Variants in ZCCHC17 observed in about 807,000 individuals in gnomAD.
ZCCHC17 encodes zinc finger CCHC-type containing 17, also known as zinc finger CCHC domain-containing protein 17.
In ZCCHC17, 18 loss-of-function variants were observed where a neutral mutation model predicts 30.6. The ratio of observed to expected loss-of-function variants is 0.59; its 90% confidence interval spans 0.41 to 0.87. The LOEUF is 0.87. ZCCHC17 is among the 40% of genes least tolerant of loss of function. ZCCHC17 has a pLI of 0.00. For missense variants in ZCCHC17, 263 were observed against 284.2 expected (o/e 0.93, Z 0.54); for synonymous variants, 88 against 92.4 (o/e 0.95, Z 0.27).
intron 7 of ZCCHC17, among the ~76,000 whole-genome samples, chr1:31,353,073 G>A (rs936287636): frequency 8.5e-5 from 13 of 152,166 alleles, no homozygotes; most frequent in African/African-American, 3.1e-4. Flanking sequence ...CCTAATGCGT[G>A]TAAAGTGACA....
intron 7 of ZCCHC17, among the ~76,000 whole-genome samples, chr1:31,355,620 C>A (rs1639616380): frequency 1.3e-5 from 2 of 152,156 alleles, no homozygotes; most frequent in South Asian, 4.1e-4. Flanking sequence ...CACACTTCAA[C>A]CATTTATTTA....
At chr1:31,347,701 C>T (rs1027237102) in intron 6 of ZCCHC17, among the ~76,000 whole-genome samples, 11 of 152,226 alleles carry the variant, frequency 7.2e-5, no homozygotes, top group Non-Finnish European at 4.4e-5. Flanking sequence ...CATCTTTGAC[C>T]TCCTGGGCTC....
chr1:31,356,646 G>A (rs1639652272), intron 7 of ZCCHC17, among the ~76,000 whole-genome samples: 1 of 152,210 alleles, frequency 6.6e-6, no homozygotes, highest in Non-Finnish European at 1.5e-5. Context: ...GCTGCTGGCA[G>A]TGGGCGATAA....
At chr1:31,348,014 G>A (rs960447852) in intron 6 of ZCCHC17, among the ~76,000 whole-genome samples, 1 of 103,950 alleles carries the variant, frequency 9.6e-6, no homozygotes, top group Non-Finnish European at 2.4e-5. Flanking sequence ...TCTGTTAAAG[G>A]GCCCCTCAGT....
rs761734632 is a variant in ZCCHC17, at chr1:31,319,158, G to A, written c.116G>A (p.Arg39Gln). Residue 39 changes from arginine to glutamine, a missense_variant, in exon 3 of 8, where the codon CGG (arginine) becomes CAG (glutamine). Physicochemically the swap from Arg to Gln is conservative, Grantham distance 43. Coordinates refer to ENST00000344147, the MANE Select transcript of ZCCHC17 (RefSeq NM_016505.4). ...GCCTTTATCAAAATCCCAGGCTGTCGGAAGCAAGGTAGGAGTTTATAACTT... is the reference window on the plus strand; with the variant it reads ...GCCTTTATCAAAATCCCAGGCTGTCAGAAGCAAGGTAGGAGTTTATAACTT... The part of the protein sequence containing the change: ...YGAFIKIPGC[R>Q]KQGLVHRTHM... 8.7e-6 allele frequency: 14 copies of A among 1,610,256 alleles called. No individual in the cohort carries two copies. In the Admixed American group the frequency reaches 1.5e-4, roughly 17 times the overall value.
chr1:31,327,498 A>G (rs1197792607), intron 3 of ZCCHC17, among the ~76,000 whole-genome samples: 1 of 152,232 alleles, frequency 6.6e-6, no homozygotes, highest in Non-Finnish European at 1.5e-5. Context: ...TATTAAAGGG[A>G]AAATTCTAGA....
intron 2 of ZCCHC17, among the ~76,000 whole-genome samples, chr1:31,317,802 G>A (rs1646773034): frequency 1.3e-5 from 2 of 152,104 alleles, no homozygotes; most frequent in South Asian, 4.1e-4. Context: ...TGCAACATAA[G>A]GATCTACTGT....
intron 2 of ZCCHC17, among the ~76,000 whole-genome samples, chr1:31,313,361 C>T (rs933662023): frequency 2.0e-5 from 3 of 152,126 alleles, no homozygotes; most frequent in Non-Finnish European, 2.9e-5. Context: ...CGTGAGCCAT[C>T]GCACCTGGCC....
chr1:31,364,364 A>C lies in ZCCHC17; in HGVS notation c.*171A>C. ...GGCAGGTTTGGGAGTTAGAGGTCAA[A>C]AGCAGCTGCCTGAATGAGTTGTTGT... On this transcript the variant is annotated 3_prime_UTR_variant, in exon 8 of 8. Coordinates refer to ENST00000344147, the MANE Select transcript of ZCCHC17 (RefSeq NM_016505.4). 8.3e-7 allele frequency: 1 copy of C among 1,207,462 alleles called. No individual in the cohort carries two copies. Among genetic ancestry groups the C allele is most frequent in the Non-Finnish European group, 1.1e-6 (1 of 888,824 alleles). 74.8% of individuals were successfully genotyped at this position (1,207,462 alleles called of 1,614,324 possible).
chr1:31,334,329 CTCTCTCTCTGTGTGTGTGTGTG>C (rs1467595414), intron 3 of ZCCHC17, among the ~76,000 whole-genome samples: 4 of 61,250 alleles, frequency 6.5e-5, no homozygotes, highest in Non-Finnish European at 1.2e-4. Context: ...CTCTCTCTCT[CTCTCTCTCTGTGTGTGTGTGTG>C]TGTGTGTGTG....
chr1:31,327,380 G>A (rs766552126), intron 3 of ZCCHC17, among the ~76,000 whole-genome samples: 5 of 152,226 alleles, frequency 3.3e-5, no homozygotes, highest in Non-Finnish European at 7.3e-5. Context: ...TTGAGACTTT[G>A]CCAGAATGGC....
rs1163308326 is a variant in ZCCHC17, at chr1:31,298,506, C to A, written c.-56+1431C>A. Among the ~76,000 whole-genome samples the A allele has an allele frequency of 3.3e-5, 5 of 152,170 alleles. No individual in the cohort carries two copies. The East Asian group carries it at 9.7e-4, about 29-fold the overall frequency. On this transcript the variant is annotated intron_variant, in intron 1 of 7. Coordinates refer to ENST00000344147, the MANE Select transcript of ZCCHC17 (RefSeq NM_016505.4). ...GTTCAAGCAATTCTCCTGCCTTAGC[C>A]TCCCCAGTAGCTGGGATTACAGGCG...
chr1:31,300,116 G>T (rs1557685465), intron 1 of ZCCHC17, among the ~76,000 whole-genome samples: 1 of 152,190 alleles, frequency 6.6e-6, no homozygotes, highest in Admixed American at 6.5e-5. Context: ...GCCGATTGCA[G>T]TGGCATGATT....
chr1:31,349,621 C>T (rs963308017), intron 7 of ZCCHC17, among the ~76,000 whole-genome samples: 7 of 152,168 alleles, frequency 4.6e-5, no homozygotes, highest in South Asian at 2.1e-4. Context: ...GCATGAGCCA[C>T]GACACCCGTC....
chr1:31,297,344 G>C, intron 1 of ZCCHC17: 1 of 395,480 alleles, frequency 2.5e-6, no homozygotes. Context: ...GGCATTCCCA[G>C]GGAGAAAGGC....
intron 7 of ZCCHC17, among the ~76,000 whole-genome samples, chr1:31,350,287 A>G (rs1355539527): frequency 4.6e-5 from 7 of 152,230 alleles, no homozygotes; most frequent in Non-Finnish European, 8.8e-5. Flanking sequence ...AACTCTAGGA[A>G]TACAAAAACT....
At chr1:31,355,152 G>A (rs1290427134) in intron 7 of ZCCHC17, among the ~76,000 whole-genome samples, 1 of 149,980 alleles carries the variant, frequency 6.7e-6, no homozygotes, top group Non-Finnish European at 1.5e-5. Flanking sequence ...TCCAGCCTGG[G>A]CGACAGAGTG....
intron 2 of ZCCHC17, among the ~76,000 whole-genome samples, chr1:31,312,851 C>T (rs1646638089): frequency 1.3e-5 from 2 of 151,936 alleles, no homozygotes; most frequent in African/African-American, 4.8e-5. Flanking sequence ...CTGCTCACTG[C>T]AACCTCCACC....
intron 3 of ZCCHC17, among the ~76,000 whole-genome samples, chr1:31,331,945 T>A: frequency 6.6e-6 from 1 of 152,220 alleles, no homozygotes; most frequent in Middle Eastern, 3.4e-3. Flanking sequence ...GATAGTACAC[T>A]AAACCTTCAT....
Sources: gnomAD v4.1 joint callset for allele counts (sites outside exome capture counted in the v4.1 genomes callset) on GRCh38, gnomAD v4.1.1 for gene constraint, MANE v1.5 for transcripts, NCBI Gene and HGNC (gene_info 2026-07-23, HGNC 2026-07-21) for gene names.